The following PIK3C2A variants were observed in gnomAD, a reference collection of about 807,000 sequenced individuals.
The protein encoded by PIK3C2A is phosphatidylinositol 4-phosphate 3-kinase C2 domain-containing subunit alpha.
A neutral mutation model predicts 204.5 loss-of-function variants in PIK3C2A; 97 were observed. The ratio of observed to expected loss-of-function variants is 0.47; its 90% CI spans 0.40 to 0.56. The LOEUF is 0.56. PIK3C2A is among the 20% of genes least tolerant of loss of function. The pLI, the probability that PIK3C2A is intolerant of heterozygous loss-of-function variation, is 0.00. For synonymous variants in PIK3C2A, 653 were observed against 664.4 expected (o/e 0.98, Z 0.26); for missense variants, 1,735 against 1,969.2 (o/e 0.88, Z 2.25).
At chr11:17,180,918 T>C (rs1254630930) in intron 1 of PIK3C2A, among the ~76,000 whole-genome samples, 1 of 152,208 alleles carries the variant, frequency 6.6e-6, no homozygotes, top group Non-Finnish European at 1.5e-5. Flanking sequence ...TTTGCTAGAA[T>C]GGTTCACAAA....
intron 27 of PIK3C2A, among the ~76,000 whole-genome samples, chr11:17,096,621 C>T (rs1848463507): frequency 6.6e-6 from 1 of 152,036 alleles, no homozygotes; most frequent in South Asian, 2.1e-4. Context: ...ACTGGCAGTT[C>T]TGGAAAGTAT....
At chr11:17,131,792 C>T (rs1849704227) in intron 12 of PIK3C2A, 124 bp downstream of exon 12, 1 of 775,232 alleles carries the variant, frequency 1.3e-6, no homozygotes, top group Admixed American at 2.5e-5. Flanking sequence ...GATCTTAAGA[C>T]ATAAGTCAGA....
intron 8 of PIK3C2A, among the ~76,000 whole-genome samples, chr11:17,140,339 A>G (rs1356959591): frequency 6.6e-6 from 1 of 152,210 alleles, no homozygotes; most frequent in African/African-American, 2.4e-5. Context: ...ATTAAAACAT[A>G]TATCCATGGG....
chr11:17,172,401 C>T lies in PIK3C2A; in HGVS notation c.-65-2595G>A, dbSNP rs572581534. 7.9e-5 allele frequency among the ~76,000 whole-genome samples: 12 copies of T among 152,300 alleles called. No individual in the cohort carries two copies. The South Asian group carries it at 8.3e-4, about 11-fold the overall frequency. The stretch of plus-strand genomic sequence containing the variant: ...CTAACAGCCAGCACCAACCACCAAA[C>T]ATGTGAGTGAAGCCACCATCTTAGA... On this transcript the variant is annotated intron_variant, in intron 1 of 32. Transcript: ENST00000691414.
chr11:17,144,894 C>CAAAAAAA (rs35069519), intron 8 of PIK3C2A, among the ~76,000 whole-genome samples: 12 of 78,126 alleles, frequency 1.5e-4, no homozygotes, highest in East Asian at 1.1e-3. Context: ...GACTCAGCCT[C>CAAAAAAA]AAAAAAAAAA....
chr11:17,117,360 C>T, intron 19 of PIK3C2A, 131 bp downstream of exon 19: 1 of 523,780 alleles, frequency 1.9e-6, no homozygotes. Context: ...TTTATCTGCC[C>T]CAAATAGCAT....
At chr11:17,142,225 G>T (rs527700366) in intron 8 of PIK3C2A, among the ~76,000 whole-genome samples, 64 of 152,312 alleles carry the variant, frequency 4.2e-4, no homozygotes, top group African/African-American at 1.5e-3. Flanking sequence ...ATAGATATTT[G>T]AGTCTGGAGA....
chr11:17,180,072 C>A (rs1165256234), intron 1 of PIK3C2A, among the ~76,000 whole-genome samples: 1 of 152,148 alleles, frequency 6.6e-6, no homozygotes, highest in Non-Finnish European at 1.5e-5. Context: ...GGCAAAAAAG[C>A]ACCAATGAAT....
At chr11:17,176,173 TTTG>T (rs201339899) in intron 1 of PIK3C2A, among the ~76,000 whole-genome samples, 9,054 of 151,646 alleles carry the variant, frequency 0.06, 656 homozygotes, top group African/African-American at 0.17. Context: ...CCGGCTCATT[TTTG>T]TTTTTTTTTT....
At chr11:17,111,706 G>T (rs1849004861) in intron 21 of PIK3C2A, among the ~76,000 whole-genome samples, 1 of 151,546 alleles carries the variant, frequency 6.6e-6, no homozygotes, top group African/African-American at 2.4e-5. Flanking sequence ...GTGAAACCCT[G>T]TCTGTACTAA....
At position 17,119,979 on chromosome 11, in the gene PIK3C2A, A is replaced by G. The variant is rs61879706; in HGVS notation, c.2658-5T>C. On this transcript the variant is annotated splice_region_variant and splice_polypyrimidine_tract_variant and intron_variant, in intron 15 of 32. Coordinates refer to ENST00000691414, the MANE Select transcript of PIK3C2A (RefSeq NM_002645.4). ...GCTTTATCTTCTTTAGAAAGTCTGC[A>G]TATATAATAGAATTAAATTACTTCT... 3.8e-5 allele frequency: 52 copies of G among 1,357,612 alleles called. No individual in the cohort carries two copies. Among genetic ancestry groups the G allele is most frequent in the Non-Finnish European group, 4.0e-5 (39 of 973,288 alleles). The allele number at this position is 1,357,612 out of a possible 1,614,324, so 84.1% of individuals were successfully genotyped here.
intron 23 of PIK3C2A, among the ~76,000 whole-genome samples, chr11:17,104,589 G>C (rs1285884237): frequency 6.6e-6 from 1 of 152,030 alleles, no homozygotes; most frequent in African/African-American, 2.4e-5. Flanking sequence ...CCTGGGCGTG[G>C]TGGTGGGCGC....
Position 17,135,124 on chromosome 11 carries a change from C to T in PIK3C2A, c.1884G>A (p.Arg628=), listed in dbSNP as rs912989706. 1.2e-6 allele frequency: 2 copies of T among 1,614,012 alleles called. No individual in the cohort carries two copies. Among genetic ancestry groups the T allele is most frequent in the Admixed American group, 1.7e-5 (1 of 59,998 alleles). The change falls in exon 10 of 33, where the codon AGG becomes AGA. Residue 628 remains arginine (R), a synonymous_variant. Transcript: ENST00000691414. Reference sequence around the variant, plus strand: ...TTAAACACATACCCCTAGTTGAACTCCTGCTAGTGTCTTCTCCTCCAAACA... The same window carrying T: ...TTAAACACATACCCCTAGTTGAACTTCTGCTAGTGTCTTCTCCTCCAAACA... The part of the protein sequence containing the change: ...TSLFGGEDTS[R]SSTRGSLNPE...
intron 1 of PIK3C2A, among the ~76,000 whole-genome samples, chr11:17,177,295 G>A (rs933216663): frequency 6.6e-6 from 1 of 152,044 alleles, no homozygotes; most frequent in Non-Finnish European, 1.5e-5. Context: ...ATCATCACCA[G>A]ATGACTAGCA....
chr11:17,114,628 C>G (rs1849120599), intron 19 of PIK3C2A, among the ~76,000 whole-genome samples, 163 bp from the exon 20 acceptor site: 1 of 152,072 alleles, frequency 6.6e-6, no homozygotes, highest in South Asian at 2.1e-4. Context: ...CTAGAATGGC[C>G]AAAGGCTATA....
intron 22 of PIK3C2A, among the ~76,000 whole-genome samples, chr11:17,105,702 C>T (rs1429709084): frequency 6.6e-6 from 1 of 152,174 alleles, no homozygotes; most frequent in Non-Finnish European, 1.5e-5. Context: ...CAGCTTCATT[C>T]ATGTCCCTGC....
At chr11:17,202,072 A>G (rs1434687915) in intron 1 of PIK3C2A, among the ~76,000 whole-genome samples, 1 of 151,648 alleles carries the variant, frequency 6.6e-6, no homozygotes, top group Non-Finnish European at 1.5e-5. Context: ...CCTGGCCAAA[A>G]TGGTGAAACC....
chr11:17,099,749 A>G lies in PIK3C2A; in HGVS notation c.4118+111T>C. On this transcript the variant is annotated intron_variant, in intron 26 of 32. Coordinates refer to ENST00000691414, the MANE Select transcript of PIK3C2A (RefSeq NM_002645.4). ...CTATGTGCAATTACTATGAATCAGA[A>G]TTTGTTCCTATAAATTAGAATTTTG... 5 of 571,814 alleles carry G rather than the reference A, an allele frequency of 8.7e-6. No homozygotes were observed. The South Asian group carries it at 1.2e-4, about 14-fold the overall frequency. 35.4% of individuals were successfully genotyped at this position (571,814 alleles called of 1,614,324 possible). A position where few individuals can be genotyped will look rare whatever the true frequency, so the allele number is the denominator to read the frequency against.
At chr11:17,150,395 G>T in intron 4 of PIK3C2A, 103 bp downstream of exon 4, 2 of 1,008,014 alleles carry the variant, frequency 2.0e-6, no homozygotes, top group Non-Finnish European at 2.8e-6. Context: ...ATGCCAAAAA[G>T]ACACATAACA....
Sources: gnomAD v4.1 joint callset for allele counts (sites outside exome capture counted in the v4.1 genomes callset) on GRCh38, gnomAD v4.1.1 for gene constraint, MANE v1.5 for transcripts, NCBI Gene and HGNC (gene_info 2026-07-23, HGNC 2026-07-21) for gene names.